The following CRIM1 variants were observed in gnomAD, a reference collection of about 807,000 sequenced individuals.
The protein encoded by CRIM1 is cysteine rich transmembrane BMP regulator 1, also known as cysteine-rich motor neuron 1 protein.
Under a neutral mutation model 116.4 loss-of-function variants are expected in CRIM1, and 32 were observed. The ratio of observed to expected loss-of-function variants is 0.27; its 90% CI spans 0.21 to 0.37. The LOEUF (loss-of-function observed/expected upper bound fraction) is 0.37. Ranked by LOEUF, CRIM1 falls within the 10% of genes least tolerant of loss-of-function variation. The pLI, the probability that CRIM1 is intolerant of heterozygous loss-of-function variation, is 1.00. For missense variants in CRIM1, 1,331 were observed against 1,354.8 expected (o/e 0.98, Z 0.28); for synonymous variants, 590 against 509.2 (o/e 1.16, Z -2.13).
chr2:36,435,396 T>G (rs1675226758), intron 2 of CRIM1, among the ~76,000 whole-genome samples: 1 of 151,996 alleles, frequency 6.6e-6, no homozygotes, highest in Non-Finnish European at 1.5e-5. Flanking sequence ...AGAAGAGATT[T>G]CAAAATAGAA....
At chr2:36,493,529 A>G (rs1416365109) in intron 7 of CRIM1, among the ~76,000 whole-genome samples, 2 of 152,186 alleles carry the variant, frequency 1.3e-5, no homozygotes, top group East Asian at 3.9e-4. Flanking sequence ...CCCAACAGGG[A>G]TGGCTGTGTA....
At chr2:36,546,763 ATTTTTTTTTT>A (rs775086985) in intron 15 of CRIM1, among the ~76,000 whole-genome samples, 8 of 101,850 alleles carry the variant, frequency 7.9e-5, no homozygotes, top group African/African-American at 1.5e-4. Context: ...TCTCACTCTG[ATTTTTTTTTT>A]TTTTTTTTTT....
At chr2:36,439,735 C>T (rs1187010005) in intron 2 of CRIM1, among the ~76,000 whole-genome samples, 3 of 152,132 alleles carry the variant, frequency 2.0e-5, no homozygotes, top group Non-Finnish European at 4.4e-5. Flanking sequence ...TAACTGCTAC[C>T]CACTTCTTCT....
intron 11 of CRIM1, among the ~76,000 whole-genome samples, chr2:36,515,875 A>G (rs192564260): frequency 6.6e-6 from 1 of 152,334 alleles, no homozygotes; most frequent in East Asian, 1.9e-4. Context: ...GGCTTTTGCT[A>G]TATTCATTTA....
Position 36,395,010 on chromosome 2 carries a change from C to CTT in CRIM1, c.332-1583_332-1582dup, listed in dbSNP as rs772105466. 9.9e-3 allele frequency among the ~76,000 whole-genome samples: 1,118 copies of CTT among 113,126 alleles called. 4 individuals are homozygous for CTT. The highest frequency in any genetic ancestry group is 0.015 in the Non-Finnish European group (844 of 54,816). The allele number at this position is 113,126 out of a possible 152,430, so 74.2% of individuals were successfully genotyped here. A position where few individuals can be genotyped will look rare whatever the true frequency, so the allele number is the denominator to read the frequency against. ...AATAAGAGCCATTTGTTTGTACTGT[C>CTT]TTTTTTTTTTTTTTTTTTTTTTGAG... is the stretch of plus-strand genomic sequence containing the variant. On this transcript the variant is annotated intron_variant, in intron 1 of 16. Transcript: ENST00000280527.
intron 2 of CRIM1, among the ~76,000 whole-genome samples, chr2:36,439,479 G>GC (rs1449644687): frequency 6.6e-6 from 1 of 152,098 alleles, no homozygotes; most frequent in Non-Finnish European, 1.5e-5. Flanking sequence ...CTTGAAAATG[G>GC]CATAAGGGGT....
intron 1 of CRIM1, among the ~76,000 whole-genome samples, chr2:36,360,604 A>C (rs2161904): frequency 0.7 from 106,249 of 152,042 alleles, 37,217 homozygotes; most frequent in East Asian, 0.84. Context: ...TTGCCATGCA[A>C]AGTTTCTTTG....
Position 36,418,863 on chromosome 2 carries a change from C to G in CRIM1, c.505+22076C>G, listed in dbSNP as rs370637620. Among the ~76,000 whole-genome samples the G allele has an allele frequency of 1.4e-4, 22 of 152,256 alleles. 1 individual carries two copies. In the East Asian group the frequency reaches 2.9e-3, roughly 20 times the overall value. On this transcript the variant is annotated intron_variant, in intron 2 of 16. Coordinates refer to ENST00000280527, the MANE Select transcript of CRIM1 (RefSeq NM_016441.3). ...AGTCATTTAACCCCTAGGCACCTTC[C>G]TTGCCCTCTCTGTTAAAATGAGATG...
At chr2:36,500,162 T>C (rs1680885436) in intron 8 of CRIM1, among the ~76,000 whole-genome samples, 1 of 151,998 alleles carries the variant, frequency 6.6e-6, no homozygotes, top group Non-Finnish European at 1.5e-5. Flanking sequence ...TCCCAGCCTC[T>C]ACCAAAAATA....
intron 13 of CRIM1, among the ~76,000 whole-genome samples, chr2:36,528,887 C>T (rs1185233975): frequency 6.6e-6 from 1 of 152,168 alleles, no homozygotes; most frequent in African/African-American, 2.4e-5. Context: ...TACCCTATGC[C>T]CTAGGAAGCA....
At chr2:36,524,394 G>A (rs1558400401) in intron 13 of CRIM1, among the ~76,000 whole-genome samples, 2 of 152,202 alleles carry the variant, frequency 1.3e-5, no homozygotes, top group Non-Finnish European at 2.9e-5. Flanking sequence ...GGCTGGGTAA[G>A]GGGAAAGTAT....
chr2:36,539,517 T>A, intron 14 of CRIM1, among the ~76,000 whole-genome samples: 1 of 152,186 alleles, frequency 6.6e-6, no homozygotes, highest in East Asian at 1.9e-4. Flanking sequence ...GGATCTGACT[T>A]ACCTTTGAAT....
At chr2:36,457,500 G>A (rs976735405) in intron 4 of CRIM1, among the ~76,000 whole-genome samples, 2 of 152,192 alleles carry the variant, frequency 1.3e-5, no homozygotes, top group African/African-American at 4.8e-5. Context: ...TGCACTTGCT[G>A]TGGCTACAGC....
chr2:36,426,409 A>C (rs1674453313), intron 2 of CRIM1, among the ~76,000 whole-genome samples: 1 of 152,208 alleles, frequency 6.6e-6, no homozygotes, highest in South Asian at 2.1e-4. Context: ...ATCAAGTAAA[A>C]TCCCTAGCAT....
intron 8 of CRIM1, among the ~76,000 whole-genome samples, chr2:36,508,758 A>G (rs561974503): frequency 2.6e-5 from 4 of 152,156 alleles, no homozygotes; most frequent in Admixed American, 6.5e-5. Flanking sequence ...CGTAAGCCCT[A>G]TATAACCTTT....
At chr2:36,420,068 A>T (rs753857656) in intron 2 of CRIM1, among the ~76,000 whole-genome samples, 1 of 152,022 alleles carries the variant, frequency 6.6e-6, no homozygotes, top group African/African-American at 2.4e-5. Flanking sequence ...TTGAGCCCTT[A>T]ACTCAGGTGT....
At chr2:36,532,285 C>G (rs1666170587) in intron 13 of CRIM1, among the ~76,000 whole-genome samples, 1 of 152,094 alleles carries the variant, frequency 6.6e-6, no homozygotes, top group Non-Finnish European at 1.5e-5. Context: ...GATATATAAC[C>G]CCTGATTGGT....
chr2:36,375,194 C>A (rs1670233546), intron 1 of CRIM1, among the ~76,000 whole-genome samples: 1 of 152,088 alleles, frequency 6.6e-6, no homozygotes, highest in Non-Finnish European at 1.5e-5. Context: ...TCCACTTCCA[C>A]CATCTTATAA....
intron 2 of CRIM1, among the ~76,000 whole-genome samples, chr2:36,423,729 A>T (rs891297008): frequency 1.1e-4 from 17 of 152,210 alleles, no homozygotes; most frequent in Admixed American, 9.2e-4. Flanking sequence ...TTATAAAAAG[A>T]TCCCAGAATC....
Sources: allele counts gnomAD v4.1 joint callset (sites outside exome capture counted in the v4.1 genomes callset), GRCh38; gene constraint gnomAD v4.1.1; transcripts MANE v1.5; gene names NCBI Gene and HGNC (gene_info 2026-07-23, HGNC 2026-07-21).